DMD: variants seen among roughly 807,000 people sequenced by gnomAD.
The protein encoded by DMD is dystrophin.
Under a neutral mutation model 330.1 loss-of-function variants are expected in DMD, and 63 were observed. The observed-to-expected ratio is 0.19, with a 90% confidence interval of 0.16 to 0.24. DMD has a LOEUF of 0.24. DMD is among the 10% of genes least tolerant of loss of function. The pLI, the probability that DMD is intolerant of heterozygous loss-of-function variation, is 1.00. For synonymous variants in DMD, 1,223 were observed against 959.8 expected (o/e 1.27, Z -5.07); for missense variants, 3,344 against 2,684.1 (o/e 1.25, Z -5.43).
intron 60 of DMD, among the ~76,000 whole-genome samples, chrX:31,397,935 A>C (rs757535751): frequency 8.9e-6 from 1 of 112,809 alleles, no homozygotes; most frequent in Admixed American, 9.4e-5. Context: ...CAAATGCATG[A>C]ACAAAGTAAC....
intron 9 of DMD, among the ~76,000 whole-genome samples, chrX:32,663,197 A>C (rs1368325008): frequency 2.7e-5 from 3 of 111,761 alleles, no homozygotes; most frequent in African/African-American, 9.7e-5. Context: ...AGGGATATCT[A>C]TCCTTGCCTT....
chrX:32,915,284 T>C (rs1278687839), intron 2 of DMD, among the ~76,000 whole-genome samples: 2 of 111,531 alleles, frequency 1.8e-5, no homozygotes, highest in Non-Finnish European at 3.8e-5. Context: ...TTACATCTTG[T>C]ATTCTCTTAA....
At chrX:31,382,540 G>A (rs1008376441) in intron 60 of DMD, among the ~76,000 whole-genome samples, 2 of 111,645 alleles carry the variant, frequency 1.8e-5, no homozygotes, top group Non-Finnish European at 3.8e-5. Context: ...TGCTGGCAAG[G>A]CTATGCTGAA....
At chrX:32,392,553 C>A (rs1420902740) in intron 30 of DMD, among the ~76,000 whole-genome samples, 1 of 111,622 alleles carries the variant, frequency 9.0e-6, no homozygotes, top group Non-Finnish European at 1.9e-5. Context: ...AGCCACCGTG[C>A]CCAGCCCGTA....
intron 51 of DMD, among the ~76,000 whole-genome samples, chrX:31,743,910 G>A (rs1648230391): frequency 9.1e-6 from 1 of 110,185 alleles, no homozygotes; most frequent in Admixed American, 9.6e-5. Context: ...TGGCTGGAGG[G>A]CACTGGAGTG....
At chrX:32,778,532 G>A (rs762740282) in intron 7 of DMD, among the ~76,000 whole-genome samples, 5 of 112,008 alleles carry the variant, frequency 4.5e-5, no homozygotes, top group East Asian at 5.6e-4. Flanking sequence ...TTATCTTACA[G>A]CTGAGTAGGT....
intron 7 of DMD, among the ~76,000 whole-genome samples, chrX:32,725,037 A>T (rs759894056): frequency 8.9e-6 from 1 of 111,794 alleles, no homozygotes; most frequent in East Asian, 2.8e-4. Context: ...AGTACTTAAT[A>T]AATAGTCATT....
At chrX:31,943,690 G>A (rs2095037352) in intron 45 of DMD, among the ~76,000 whole-genome samples, 1 of 109,910 alleles carries the variant, frequency 9.1e-6, no homozygotes, top group South Asian at 3.9e-4. Context: ...CTCCTATTTT[G>A]TTACTCAATT....
intron 11 of DMD, among the ~76,000 whole-genome samples, chrX:32,619,158 A>C (rs1163546966): frequency 1.8e-5 from 2 of 111,760 alleles, no homozygotes; most frequent in Non-Finnish European, 3.8e-5. Flanking sequence ...TGTCATTTGC[A>C]ACAACATGGA....
At chrX:33,321,810 G>C (rs1321403382) in intron 1 of DMD, among the ~76,000 whole-genome samples, 1 of 111,461 alleles carries the variant, frequency 9.0e-6, no homozygotes, top group Non-Finnish European at 1.9e-5. Context: ...ATCTTAGCTA[G>C]AACTTCTGGA....
chrX:33,237,167 C>T (rs2035069113), intron 1 of DMD, among the ~76,000 whole-genome samples: 1 of 96,681 alleles, frequency 1.0e-5, no homozygotes, highest in Non-Finnish European at 2.1e-5. Context: ...TGGTTTCCTC[C>T]CTCCCTCCCT....
At position 32,348,258 on chromosome X, in the gene DMD, C is replaced by A. The variant is rs72468625; in HGVS notation, c.5448+148G>T. The A allele has an allele frequency of 5.1e-3, 2,999 of 585,511 alleles. 18 individuals are homozygous for A. The highest frequency in any genetic ancestry group is 0.022 in the Middle Eastern group (49 of 2,178). 48.3% of individuals were successfully genotyped at this position (585,511 alleles called of 1,213,427 possible). A position where few individuals can be genotyped will look rare whatever the true frequency, so the allele number is the denominator to read the frequency against. On this transcript the variant is annotated intron_variant, in intron 38 of 78. Coordinates refer to ENST00000357033, the MANE Select transcript of DMD (RefSeq NM_004006.3). Reference sequence around the variant, plus strand: ...GTAATTCAGCATTTGTAATAAAAGGCCAAGAATATTCTGCATTTATAAAAT... The same window carrying A: ...GTAATTCAGCATTTGTAATAAAAGGACAAGAATATTCTGCATTTATAAAAT...
chrX:32,554,351 A>C (rs1603636196), intron 16 of DMD, among the ~76,000 whole-genome samples: 1 of 111,548 alleles, frequency 9.0e-6, no homozygotes, highest in African/African-American at 3.3e-5. Flanking sequence ...AAATAAAAAT[A>C]AAAAAGGTAG....
rs769377296 is a variant in DMD, at chrX:32,501,832, C to T, written c.2303G>A (p.Arg768Gln). The T allele has an allele frequency of 1.3e-5, 15 of 1,198,907 alleles. No homozygotes were observed. The highest frequency in any genetic ancestry group is 1.1e-4 in the Admixed American group (5 of 45,182). The change falls in exon 19 of 79, where the codon CGA becomes CAA. Residue 768 changes from arginine to glutamine, a missense_variant. Arg to Gln is a conservative substitution (Grantham distance 43). Coordinates refer to ENST00000357033, the MANE Select transcript of DMD (RefSeq NM_004006.3). ...DLKEKVNAIEREKAEKFRKLQ... is the reference protein window; with the variant it reads ...DLKEKVNAIEQEKAEKFRKLQ... Reference sequence around the variant, plus strand: ...TTTTCTGAACTTCTCAGCTTTTTCTCGCTCTATGGCCTGCAGCATGAGAGC... The same window carrying T: ...TTTTCTGAACTTCTCAGCTTTTTCTTGCTCTATGGCCTGCAGCATGAGAGC...
At chrX:32,510,518 G>A (rs1461167284) in intron 18 of DMD, among the ~76,000 whole-genome samples, 1 of 111,410 alleles carries the variant, frequency 9.0e-6, no homozygotes, top group Non-Finnish European at 1.9e-5. Context: ...ACTATATAAG[G>A]TCAGGTATCC....
chrX:32,196,744 GGGAGGC>G (rs2097002666), intron 44 of DMD, among the ~76,000 whole-genome samples: 2 of 110,465 alleles, frequency 1.8e-5, no homozygotes, highest in African/African-American at 3.3e-5. Flanking sequence ...CCAGCACTTT[GGGAGGC>G]CAAGGTGGGC....
intron 50 of DMD, among the ~76,000 whole-genome samples, chrX:31,789,626 T>C (rs1468003486): frequency 1.8e-5 from 2 of 111,443 alleles, no homozygotes; most frequent in Non-Finnish European, 3.8e-5. Context: ...AGTAGAAAAA[T>C]AATAATCCTT....
intron 17 of DMD, among the ~76,000 whole-genome samples, chrX:32,519,262 C>CT (rs1374144355): frequency 1.2e-4 from 7 of 60,379 alleles, no homozygotes; most frequent in African/African-American, 2.3e-4. Flanking sequence ...CAAGTGGAAT[C>CT]TAAAAAAAAA....
At chrX:32,830,488 C>A (rs1317272497) in intron 4 of DMD, among the ~76,000 whole-genome samples, 1 of 111,478 alleles carries the variant, frequency 9.0e-6, no homozygotes, top group African/African-American at 3.3e-5. Flanking sequence ...CTGTGTGTAT[C>A]AGTGTTGTGA....
Sources: gnomAD v4.1 joint callset for allele counts (sites outside exome capture counted in the v4.1 genomes callset) on GRCh38, gnomAD v4.1.1 for gene constraint, MANE v1.5 for transcripts, NCBI Gene and HGNC (gene_info 2026-07-23, HGNC 2026-07-21) for gene names.